The following TWIST2 variants were observed in gnomAD, a reference collection of about 807,000 sequenced individuals.
TWIST2 encodes the protein twist family bHLH transcription factor 2.
Under a neutral mutation model 11.6 loss-of-function variants are expected in TWIST2, and 1 was observed. The observed-to-expected ratio is 0.09, with a 90% CI of 0.03 to 0.41. TWIST2 has a LOEUF of 0.41. Ranked by LOEUF, TWIST2 falls within the 10% of genes least tolerant of loss-of-function variation. The pLI, the probability that TWIST2 is intolerant of heterozygous loss-of-function variation, is 0.98. For missense variants in TWIST2, 168 were observed against 226.4 expected (o/e 0.74, Z 1.66); for synonymous variants, 87 against 96.6 (o/e 0.90, Z 0.58).
At chr2:238,860,794 C>T (rs1229852075) in intron 1 of TWIST2, among the ~76,000 whole-genome samples, 4 of 152,234 alleles carry the variant, frequency 2.6e-5, no homozygotes, top group African/African-American at 7.2e-5. Context: ...AAAAATTAGC[C>T]GGACGAGGTG....
At chr2:238,900,709 CACTG>C (rs1693258852) in intron 1 of TWIST2, among the ~76,000 whole-genome samples, 1 of 152,124 alleles carries the variant, frequency 6.6e-6, no homozygotes, top group Non-Finnish European at 1.5e-5. Context: ...CTGGGAGTGT[CACTG>C]AGTGGGGGTG....
chr2:238,872,681 A>T (rs776876742), intron 1 of TWIST2, among the ~76,000 whole-genome samples: 1 of 152,226 alleles, frequency 6.6e-6, no homozygotes, highest in African/African-American at 2.4e-5. Context: ...CATGGGGGGA[A>T]GTAGGGCACA....
chr2:238,859,458 G>T (rs1291148665), intron 1 of TWIST2, among the ~76,000 whole-genome samples: 1 of 151,794 alleles, frequency 6.6e-6, no homozygotes, highest in African/African-American at 2.4e-5. Flanking sequence ...AATACAAAAC[G>T]CTCCAGAACT....
intron 1 of TWIST2, among the ~76,000 whole-genome samples, chr2:238,876,801 T>C (rs1292825026): frequency 6.6e-6 from 1 of 152,160 alleles, no homozygotes; most frequent in Non-Finnish European, 1.5e-5. Context: ...CTTGGATTCA[T>C]GTATGCAATG....
At chr2:238,907,262 G>A (rs897367901) in intron 1 of TWIST2, among the ~76,000 whole-genome samples, 2 of 152,220 alleles carry the variant, frequency 1.3e-5, no homozygotes, top group South Asian at 4.1e-4. Flanking sequence ...CAAGACCTTG[G>A]GCTTATGACA....
chr2:238,880,041 T>C (rs1275992456), intron 1 of TWIST2, among the ~76,000 whole-genome samples: 1 of 152,230 alleles, frequency 6.6e-6, no homozygotes, highest in Non-Finnish European at 1.5e-5. Context: ...TAGGGCGTTA[T>C]TTAGTGTGAG....
intron 1 of TWIST2, among the ~76,000 whole-genome samples, chr2:238,854,980 G>A (rs145330476): frequency 2.6e-5 from 4 of 152,300 alleles, no homozygotes; most frequent in East Asian, 3.9e-4. Context: ...TCGTGTGGCC[G>A]GTGCTCAGAG....
At position 238,883,589 on chromosome 2, in the gene TWIST2, G is replaced by T. The variant is rs544717307; in HGVS notation, c.*36-26253G>T. ...TCCTTTAACTCCAATAGAAGGAGAAGGATGGGGATTTTGAAGACAGATCAG... is the reference window on the plus strand; with the variant it reads ...TCCTTTAACTCCAATAGAAGGAGAATGATGGGGATTTTGAAGACAGATCAG... On this transcript the variant is annotated intron_variant, in intron 1 of 1. Coordinates refer to ENST00000612363, the MANE Select transcript of TWIST2 (RefSeq NM_001271893.4). 1.2e-4 allele frequency among the ~76,000 whole-genome samples: 19 copies of T among 152,330 alleles called. No homozygotes were observed. The South Asian group carries it at 3.7e-3, about 30-fold the overall frequency.
At chr2:238,882,418 G>A (rs947465641) in intron 1 of TWIST2, among the ~76,000 whole-genome samples, 1 of 152,232 alleles carries the variant, frequency 6.6e-6, no homozygotes, top group African/African-American at 2.4e-5. Flanking sequence ...CTTTTAGACT[G>A]CAGCCTGGAC....
At chr2:238,898,650 C>G (rs1693234503) in intron 1 of TWIST2, among the ~76,000 whole-genome samples, 1 of 152,272 alleles carries the variant, frequency 6.6e-6, no homozygotes. Flanking sequence ...TCCTTCCTCT[C>G]CCCTGAGGTG....
At chr2:238,849,314 C>G (rs1179798125) in intron 1 of TWIST2, among the ~76,000 whole-genome samples, 6 of 152,230 alleles carry the variant, frequency 3.9e-5, no homozygotes, top group Non-Finnish European at 7.3e-5. Context: ...CGTAGAGGTG[C>G]GGGCCTGCGG....
chr2:238,871,595 C>T (rs1414825418), intron 1 of TWIST2, among the ~76,000 whole-genome samples: 1 of 132,584 alleles, frequency 7.5e-6, no homozygotes, highest in Non-Finnish European at 1.6e-5. Flanking sequence ...ACACCACACA[C>T]ACAGCACACC....
intron 1 of TWIST2, among the ~76,000 whole-genome samples, chr2:238,907,302 C>T (rs1304308974): frequency 1.3e-5 from 2 of 152,214 alleles, no homozygotes; most frequent in African/African-American, 2.4e-5. Flanking sequence ...GGGTCTCAGA[C>T]GCTGGCCCCG....
chr2:238,877,828 A>C (rs1354907811), intron 1 of TWIST2, among the ~76,000 whole-genome samples: 1 of 152,242 alleles, frequency 6.6e-6, no homozygotes, highest in Non-Finnish European at 1.5e-5. Flanking sequence ...TGGAAGACTA[A>C]GAGAGCAAAC....
chr2:238,865,638 A>T (rs1692516731), intron 1 of TWIST2, among the ~76,000 whole-genome samples: 1 of 151,230 alleles, frequency 6.6e-6, no homozygotes, highest in Non-Finnish European at 1.5e-5. Flanking sequence ...CTGCAGGTTG[A>T]GTCTTTGAAT....
Position 238,892,778 on chromosome 2 carries a change from G to T in TWIST2, c.*36-17064G>T, listed in dbSNP as rs184775623. Among the ~76,000 whole-genome samples the T allele has an allele frequency of 1.4e-4, 21 of 152,222 alleles. No individual in the cohort carries two copies. The East Asian group carries it at 3.5e-3, about 25-fold the overall frequency. On this transcript the variant is annotated intron_variant, in intron 1 of 1. Coordinates refer to ENST00000612363, the MANE Select transcript of TWIST2 (RefSeq NM_001271893.4). ...TTACAGGTGTGAGCCGCCGCAACCGGCCTTCTAATATGTTTTTTTCCAATC... is the reference window on the plus strand; with the variant it reads ...TTACAGGTGTGAGCCGCCGCAACCGTCCTTCTAATATGTTTTTTTCCAATC...
chr2:238,886,052 C>T (rs1032661932), intron 1 of TWIST2, among the ~76,000 whole-genome samples: 22 of 149,802 alleles, frequency 1.5e-4, no homozygotes, highest in African/African-American at 4.7e-4. Context: ...GCCGAGATTG[C>T]GCCATTGCAC....
chr2:238,856,789 C>G (rs996177107), intron 1 of TWIST2, among the ~76,000 whole-genome samples: 1 of 152,134 alleles, frequency 6.6e-6, no homozygotes, highest in African/African-American at 2.4e-5. Context: ...GAAAAAGCAC[C>G]CTTCCTGCCG....
chr2:238,886,585 C>T (rs977322219), intron 1 of TWIST2, among the ~76,000 whole-genome samples: 18 of 151,592 alleles, frequency 1.2e-4, no homozygotes, highest in Admixed American at 2.0e-4. Flanking sequence ...GTCTGGAGCC[C>T]CGGGGGCATG....
Sources: allele counts gnomAD v4.1 joint callset (sites outside exome capture counted in the v4.1 genomes callset), GRCh38; gene constraint gnomAD v4.1.1; transcripts MANE v1.5; gene names NCBI Gene and HGNC (gene_info 2026-07-23, HGNC 2026-07-21).